The following GRIP2 variants were observed in gnomAD, a reference collection of about 807,000 sequenced individuals.
GRIP2 encodes glutamate receptor-interacting protein 2.
GRIP2 carries 58 observed loss-of-function variants against 108.3 expected under a neutral mutation model. The ratio of observed to expected loss-of-function variants is 0.54; its 90% CI spans 0.43 to 0.67. The LOEUF is 0.67. GRIP2 is among the 30% of genes least tolerant of loss of function. The probability of loss-of-function intolerance (pLI) is 0.00; values close to 1 mark genes in which losing one functional copy is unlikely to be tolerated. For missense variants in GRIP2, 1,278 were observed against 1,430.6 expected (o/e 0.89, Z 1.72); for synonymous variants, 586 against 598.2 (o/e 0.98, Z 0.30).
At position 14,525,531 on chromosome 3, in the gene GRIP2, C is replaced by G. The variant is rs1331048647; in HGVS notation, c.163G>C (p.Glu55Gln). The change falls in exon 3 of 24, where the codon GAA (glutamate) becomes CAA (glutamine). Residue 55 changes from glutamate (E) to glutamine (Q), a missense_variant. Physicochemically the swap from Glu to Gln is conservative, Grantham distance 29 (BLOSUM62 2). Transcript: ENST00000621039. The part of the protein sequence containing the change: ...GITVVELIKK[E>Q]GSTLGLTISG... ...ATAGTCAGGCCCAGCGTGCTGCCTT[C>G]TTTCTTGATCAGCTCCACCACAGTG... is the stretch of plus-strand genomic sequence containing the variant. 2 of 1,613,882 alleles carry G rather than the reference C, an allele frequency of 1.2e-6. No homozygotes were observed. Among genetic ancestry groups the G allele is most frequent in the Admixed American group, 3.3e-5 (2 of 60,024 alleles).
chr3:14,518,440 A>G (rs554161053), intron 9 of GRIP2, among the ~76,000 whole-genome samples: 17 of 152,266 alleles, frequency 1.1e-4, no homozygotes, highest in African/African-American at 3.6e-4. Flanking sequence ...GCTGAAGTGC[A>G]CCACGGGCTG....
intron 21 of GRIP2, among the ~76,000 whole-genome samples, chr3:14,498,304 A>T (rs925807298): frequency 6.6e-6 from 1 of 152,136 alleles, no homozygotes; most frequent in African/African-American, 2.4e-5. Flanking sequence ...CTCTACAAAA[A>T]ATACAATTAT....
At chr3:14,514,233 T>G in intron 12 of GRIP2, 59 bp downstream of exon 12, 1 of 1,408,826 alleles carries the variant, frequency 7.1e-7, no homozygotes, top group Non-Finnish European at 9.5e-7. Context: ...GGCTTGGTGC[T>G]GTGACTCAGT....
Position 14,522,507 on chromosome 3 carries a change from G to A in GRIP2, c.566+493C>T, listed in dbSNP as rs934257216. The A allele has an allele frequency of 6.4e-6, 1 of 156,266 alleles. No homozygotes were observed. Among genetic ancestry groups the A allele is most frequent in the Non-Finnish European group, 1.4e-5 (1 of 70,310 alleles). The allele number at this position is 156,266 out of a possible 1,614,324, so 9.7% of individuals were successfully genotyped here. A position where few individuals can be genotyped will look rare whatever the true frequency, so the allele number is the denominator to read the frequency against. On this transcript the variant is annotated intron_variant, in intron 6 of 23. Transcript: ENST00000621039. The surrounding 1 kb of genome is among the most constrained non-coding windows in gnomAD (Gnocchi z 4.3). ...TGGCCAGGAATCTCCCACTGGGGAG[G>A]CCGAGGGATCAGGGGCTGGGAACTG...
the GRIP2 span, among the ~76,000 whole-genome samples, chr3:14,563,238 T>C: frequency 3.3e-5 from 5 of 151,912 alleles, no homozygotes; most frequent in Admixed American, 2.0e-4. Context: ...GTAATTAGAG[T>C]TGAGAAAAAG....
the GRIP2 span, among the ~76,000 whole-genome samples, chr3:14,599,041 T>C: frequency 6.6e-6 from 1 of 152,174 alleles, no homozygotes; most frequent in Non-Finnish European, 1.5e-5. Context: ...TTCATATCAC[T>C]GATGACTCTC....
chr3:14,511,501 A>G lies in GRIP2; in HGVS notation c.1721-22T>C. 2 of 1,611,692 alleles carry G rather than the reference A, an allele frequency of 1.2e-6. No individual in the cohort carries two copies. Among genetic ancestry groups the G allele is most frequent in the Non-Finnish European group, 1.7e-6 (2 of 1,179,478 alleles). On this transcript the variant is annotated intron_variant, in intron 14 of 23. Coordinates refer to ENST00000621039, the MANE Select transcript of GRIP2 (RefSeq NM_001080423.4). The surrounding 1 kb of genome is among the most constrained non-coding windows in gnomAD (Gnocchi z 4.1). ...GCCGCTGGAGAAAAAGAGGCCATGAATCTGACCTTGGTGGCCTCAGCCTGG... is the reference window on the plus strand; with the variant it reads ...GCCGCTGGAGAAAAAGAGGCCATGAGTCTGACCTTGGTGGCCTCAGCCTGG...
At chr3:14,542,950 G>A (rs1313443469), upstream of GRIP2, among the ~76,000 whole-genome samples, 1 of 152,178 alleles carries the variant, frequency 6.6e-6, no homozygotes, top group Non-Finnish European at 1.5e-5. Flanking sequence ...CACTGCTATG[G>A]GCCTCAGGAT....
intron 21 of GRIP2, among the ~76,000 whole-genome samples, chr3:14,499,883 G>GA (rs927332699): frequency 1.4e-3 from 217 of 151,332 alleles, no homozygotes; most frequent in African/African-American, 5.0e-3. Context: ...TAGCTGATGA[G>GA]AAAAAAAAAT....
chr3:14,597,847 C>T, the GRIP2 span, among the ~76,000 whole-genome samples: 1 of 152,192 alleles, frequency 6.6e-6, no homozygotes, highest in Non-Finnish European at 1.5e-5. Context: ...TGGGAAATGA[C>T]TTCCACCATT....
chr3:14,500,559 C>T (rs923559421), intron 21 of GRIP2, among the ~76,000 whole-genome samples: 1 of 152,122 alleles, frequency 6.6e-6, no homozygotes, highest in African/African-American at 2.4e-5. Context: ...TGCCAGAAGA[C>T]AACAGGATAA....
At chr3:14,570,086 G>T in the GRIP2 span, among the ~76,000 whole-genome samples, 5 of 152,208 alleles carry the variant, frequency 3.3e-5, no homozygotes, top group African/African-American at 1.2e-4. Flanking sequence ...CAAGCAAAGG[G>T]AGAGGGGTTT....
In GRIP2 at chr3:14,505,585, C is replaced by G. The variant is rs1295473559; in HGVS notation, c.2573+30G>C. 1.9e-6 allele frequency: 3 copies of G among 1,597,966 alleles called. No individual in the cohort carries two copies. Among genetic ancestry groups the G allele is most frequent in the Admixed American group, 3.5e-5 (2 of 57,950 alleles). ...ACCCCAGCCAAGACACTGTGACTCC[C>G]TCCTCCTTCACGGTGCTCCCACCAC... On this transcript the variant is annotated intron_variant, in intron 20 of 23. Coordinates refer to ENST00000621039, the MANE Select transcript of GRIP2 (RefSeq NM_001080423.4). This position sits in a 1 kb window ranked among gnomAD's most constrained non-coding sequence, Gnocchi z 4.2.
In GRIP2 at chr3:14,539,578, C is replaced by T. The variant is rs574103792; in HGVS notation, c.40+691G>A. Among the ~76,000 whole-genome samples the T allele has an allele frequency of 6.6e-5, 10 of 152,304 alleles. No individual in the cohort carries two copies. In the South Asian group the frequency reaches 2.1e-3, roughly 32 times the overall value. ...TGGGAAGAAACCAGTGAGGCAACCC[C>T]AGGGCAGTGAATGCAGTATGTTCTG... On this transcript the variant is annotated intron_variant, in intron 1 of 23. Coordinates refer to ENST00000621039, the MANE Select transcript of GRIP2 (RefSeq NM_001080423.4).
rs1480040128 is a variant in GRIP2 at position 14,512,224 on chromosome 3, G to A, written c.1720+553C>T. 6.6e-6 allele frequency among the ~76,000 whole-genome samples: 1 copy of A among 152,228 alleles called. No individual in the cohort carries two copies. The highest frequency in any genetic ancestry group is 3.4e-3 in the Middle Eastern group (1 of 294). Reference sequence around the variant, plus strand: ...TGGAGGGCTTGAGTTGGGGAGAGTCGGGAGATGAGGTCAGAGGTCATGGGG... The same window carrying A: ...TGGAGGGCTTGAGTTGGGGAGAGTCAGGAGATGAGGTCAGAGGTCATGGGG... On this transcript the variant is annotated intron_variant, in intron 14 of 23. Transcript: ENST00000621039. The surrounding 1 kb of genome is among the most constrained non-coding windows in gnomAD (Gnocchi z 5.1).
chr3:14,568,263 G>T, the GRIP2 span, among the ~76,000 whole-genome samples: 1 of 152,178 alleles, frequency 6.6e-6, no homozygotes, highest in African/African-American at 2.4e-5. Flanking sequence ...GTGGAGGTGG[G>T]AAGACCAGTG....
At position 14,493,527 on chromosome 3, in the gene GRIP2, A is replaced by G; in HGVS notation, c.*138T>C. The G allele has an allele frequency of 9.4e-7, 1 of 1,059,522 alleles. No individual in the cohort carries two copies. Among genetic ancestry groups the G allele is most frequent in the Non-Finnish European group, 1.3e-6 (1 of 755,084 alleles). 65.6% of individuals were successfully genotyped at this position (1,059,522 alleles called of 1,614,324 possible). ...GTCACCACAGACCTGGGGAACAGAGACCAAGCATCATCCCAGGCTCAGAGT... is the reference window on the plus strand; with the variant it reads ...GTCACCACAGACCTGGGGAACAGAGGCCAAGCATCATCCCAGGCTCAGAGT... On this transcript the variant is annotated 3_prime_UTR_variant, in exon 24 of 24. Coordinates refer to ENST00000621039, the MANE Select transcript of GRIP2 (RefSeq NM_001080423.4).
intron 21 of GRIP2, 54 bp downstream of exon 21, chr3:14,503,512 C>T (rs1010449349): frequency 7.8e-7 from 1 of 1,276,270 alleles, no homozygotes; most frequent in Non-Finnish European, 1.1e-6. Context: ...GCACACACAC[C>T]AGAGTGAACA....
intron 4 of GRIP2, chr3:14,524,100 T>A: frequency 3.8e-6 from 2 of 525,748 alleles, no homozygotes; most frequent in South Asian, 4.8e-5. Context: ...GCGTGGTAGG[T>A]CAGGGAACGA....
Sources: allele counts gnomAD v4.1 joint callset (sites outside exome capture counted in the v4.1 genomes callset), GRCh38; gene constraint gnomAD v4.1.1; non-coding constraint Gnocchi (gnomAD v3.1); transcripts MANE v1.5; gene names NCBI Gene and HGNC (gene_info 2026-07-23, HGNC 2026-07-21).